Variants in DLL4 observed in about 807,000 individuals in gnomAD.
The protein encoded by DLL4 is delta-like protein 4.
In DLL4, 7 loss-of-function variants were observed where a neutral mutation model predicts 73.6. The ratio of observed to expected loss-of-function variants is 0.10; its 90% CI spans 0.05 to 0.18. The LOEUF is 0.18. Ranked by LOEUF, DLL4 falls within the 10% of genes least tolerant of loss-of-function variation. DLL4 has a pLI of 1.00. For synonymous variants in DLL4, 345 were observed against 374.3 expected (o/e 0.92, Z 0.90); for missense variants, 614 against 929.9 (o/e 0.66, Z 4.42).
chr15:40,935,918 C>T (rs1453305043), intron 8 of DLL4, among the ~76,000 whole-genome samples: 1 of 152,210 alleles, frequency 6.6e-6, no homozygotes, highest in Non-Finnish European at 1.5e-5. Context: ...GGCTTAGAGA[C>T]ACGGTTAAGC....
Position 40,936,917 on chromosome 15 carries a change from C to T in DLL4, c.1930C>T (p.Leu644=). 1 of 1,602,746 alleles carries T rather than the reference C, an allele frequency of 6.2e-7. No homozygotes were observed. The highest frequency in any genetic ancestry group is 8.5e-7 in the Non-Finnish European group (1 of 1,174,826). Residue 644 remains leucine (L), a synonymous_variant, in exon 9 of 11, where the codon CTG becomes TTG. Coordinates refer to ENST00000249749, the MANE Select transcript of DLL4 (RefSeq NM_019074.4). ...SDKSLGEKAP[L]RLHSEKPECR... is the part of the protein sequence containing the mutation. Reference sequence around the variant, plus strand: ...CAAGAGCTTAGGAGAGAAGGCGCCACTGCGGTTACACAGGTGAGTGGCACC... The same window carrying T: ...CAAGAGCTTAGGAGAGAAGGCGCCATTGCGGTTACACAGGTGAGTGGCACC...
Position 40,930,412 on chromosome 15 carries a change from A to T in DLL4, c.337-213A>T. 1.6e-6 allele frequency: 1 copy of T among 640,090 alleles called. No individual in the cohort carries two copies. The highest frequency in any genetic ancestry group is 2.8e-6 in the Non-Finnish European group (1 of 355,288). 39.7% of individuals were successfully genotyped at this position (640,090 alleles called of 1,614,324 possible). A position where few individuals can be genotyped will look rare whatever the true frequency, so the allele number is the denominator to read the frequency against. The stretch of plus-strand genomic sequence containing the variant: ...CCCCCTCCTCCAGTGGCTCTCCCTT[A>T]CACTCTCCCGTCTCTCAACCCTCCC... On this transcript the variant is annotated intron_variant, in intron 2 of 10. Coordinates refer to ENST00000249749, the MANE Select transcript of DLL4 (RefSeq NM_019074.4). This position sits in a 1 kb window ranked among gnomAD's most constrained non-coding sequence, Gnocchi z 5.7.
At position 40,930,614 on chromosome 15, in the gene DLL4, C is replaced by G; in HGVS notation, c.337-11C>G. On this transcript the variant is annotated splice_polypyrimidine_tract_variant and intron_variant, in intron 2 of 10. Transcript: ENST00000249749. This position sits in a 1 kb window ranked among gnomAD's most constrained non-coding sequence, Gnocchi z 5.7. ...CTCGCCATCTCTCCGTCCCCCCACC[C>G]CCTTTCCCAGGGTACCTTCTCGCTC... 6.2e-7 allele frequency: 1 copy of G among 1,613,716 alleles called. No individual in the cohort carries two copies. The highest frequency in any genetic ancestry group is 8.5e-7 in the Non-Finnish European group (1 of 1,179,802).
intron 5 of DLL4, 33 bp from the exon 6 acceptor site, chr15:40,932,284 C>G (rs1276415157): frequency 3.1e-6 from 5 of 1,613,892 alleles, no homozygotes; most frequent in Non-Finnish European, 3.4e-6. Flanking sequence ...GCCAAGGCCT[C>G]TCACCTCACT....
chr15:40,937,075 G>T (rs1184114915), intron 9 of DLL4, 145 bp downstream of exon 9: 5 of 682,946 alleles, frequency 7.3e-6, no homozygotes, highest in Admixed American at 3.0e-5. Context: ...TCTGTCAGGG[G>T]TCCTTTGTCC....
At chr15:40,931,943 C>T (rs1892776836) in intron 4 of DLL4, among the ~76,000 whole-genome samples, 177 bp downstream of exon 4, 1 of 152,202 alleles carries the variant, frequency 6.6e-6, no homozygotes, top group African/African-American at 2.4e-5. Flanking sequence ...CCCAGTGCTC[C>T]TCCCATCATG....
intron 8 of DLL4, among the ~76,000 whole-genome samples, chr15:40,935,627 C>G (rs1348709189): frequency 6.6e-6 from 1 of 152,178 alleles, no homozygotes; most frequent in Non-Finnish European, 1.5e-5. Flanking sequence ...GGCAGGCAGG[C>G]AGGCAGCGCT....
intron 8 of DLL4, among the ~76,000 whole-genome samples, chr15:40,935,896 T>A (rs972500045): frequency 2.6e-5 from 4 of 152,098 alleles, no homozygotes; most frequent in African/African-American, 9.7e-5. Flanking sequence ...GTCTAACAAA[T>A]GGGGAAACTG....
chr15:40,929,689 C>A lies in DLL4; in HGVS notation c.21C>A (p.Ser7Arg). Residue 7 changes from serine (S) to arginine (R), a missense_variant, in exon 1 of 11, where the codon AGC becomes AGA. Transcript: ENST00000249749. This position sits in a 1 kb window ranked among gnomAD's most constrained non-coding sequence, Gnocchi z 7.1. MAAASR[S>R]ASGWALLLLV... ...AGGGGATGGCGGCAGCGTCCCGGAG[C>A]GCCTCTGGCTGGGCGCTACTGCTGC... is the stretch of plus-strand genomic sequence containing the variant. The A allele has an allele frequency of 6.4e-7, 1 of 1,566,664 alleles. No homozygotes were observed. The highest frequency in any genetic ancestry group is 8.6e-7 in the Non-Finnish European group (1 of 1,165,770).
Position 40,929,371 on chromosome 15 carries a change from G to C in DLL4, c.-298G>C, listed in dbSNP as rs976104394. On this transcript the variant is annotated 5_prime_UTR_variant, in exon 1 of 11. Coordinates refer to ENST00000249749, the MANE Select transcript of DLL4 (RefSeq NM_019074.4). The surrounding 1 kb of genome is among the most constrained non-coding windows in gnomAD (Gnocchi z 7.1). Reference sequence around the variant, plus strand: ...GGCGCTGCGCGCAGGCCGGGAACACGAGGCCAAGAGCCGCAGCCCCAGCCG... The same window carrying C: ...GGCGCTGCGCGCAGGCCGGGAACACCAGGCCAAGAGCCGCAGCCCCAGCCG... 2.4e-6 allele frequency: 1 copy of C among 413,334 alleles called. No individual in the cohort carries two copies. Among genetic ancestry groups the C allele is most frequent in the Non-Finnish European group, 4.3e-6 (1 of 234,472 alleles). 25.6% of individuals were successfully genotyped at this position (413,334 alleles called of 1,614,324 possible).
In DLL4 at chr15:40,938,652, TC is replaced by T. The variant is rs1409967480; in HGVS notation, c.*620del. On this transcript the variant is annotated 3_prime_UTR_variant, in exon 11 of 11. Coordinates refer to ENST00000249749, the MANE Select transcript of DLL4 (RefSeq NM_019074.4). ...GGTCTAGGCCCTTTGGGCAAGAATG[TC>T]CGTCTACCCGGCTTCCACCACCCTC... The T allele has an allele frequency of 6.6e-6, 1 of 152,564 alleles. No individual in the cohort carries two copies. The highest frequency in any genetic ancestry group is 1.5e-5 in the Non-Finnish European group (1 of 68,122). 9.5% of individuals were successfully genotyped at this position (152,564 alleles called of 1,614,324 possible).
chr15:40,931,398 G>A lies in DLL4; in HGVS notation c.395-105G>A, dbSNP rs1892767697. 5.1e-6 allele frequency: 7 copies of A among 1,361,594 alleles called. No homozygotes were observed. The South Asian group carries it at 6.9e-5, about 14-fold the overall frequency. The allele number at this position is 1,361,594 out of a possible 1,614,324, so 84.3% of individuals were successfully genotyped here. A position where few individuals can be genotyped will look rare whatever the true frequency, so the allele number is the denominator to read the frequency against. ...GTCATCTGGATAACTGGGCTGATTG[G>A]TTGGCTGATCACCATCATCACAGCC... On this transcript the variant is annotated intron_variant, in intron 3 of 10. Transcript: ENST00000249749.
chr15:40,935,961 A>T (rs927414520), intron 8 of DLL4, among the ~76,000 whole-genome samples: 4 of 152,242 alleles, frequency 2.6e-5, no homozygotes, highest in Non-Finnish European at 1.5e-5. Flanking sequence ...ACAGAGTGAC[A>T]GCTGAGGTCC....
Position 40,936,928 on chromosome 15 carries a change from CA to C in DLL4, c.1942del (p.Ser648ValfsTer24). ...GAGAGAAGGCGCCACTGCGGTTACA[CA>C]GGTGAGTGGCACCCAGAAGCCCAGG... ...LGEKAPLRLH[S>X]EKPECRISAI... On this transcript the variant is annotated frameshift_variant and splice_region_variant, in exon 9 of 11. Transcript: ENST00000249749. LOFTEE classifies it high-confidence loss of function. The C allele has an allele frequency of 6.3e-7, 1 of 1,592,104 alleles. No individual in the cohort carries two copies. The highest frequency in any genetic ancestry group is 8.6e-7 in the Non-Finnish European group (1 of 1,169,490).
In DLL4 at chr15:40,929,933, G is replaced by A; in HGVS notation, c.153G>A (p.Glu51=). The A allele has an allele frequency of 6.2e-7, 1 of 1,613,038 alleles. No individual in the cohort carries two copies. The highest frequency in any genetic ancestry group is 8.5e-7 in the Non-Finnish European group (1 of 1,179,808). The part of the protein sequence containing the change: ...RGVLASGRPC[E]PGCRTFFRVC... ...TACTGGCCAGTGGGCGGCCTTGCGA[G>A]CCCGGCTGCCGGACTTTCTTCCGCG... is the stretch of plus-strand genomic sequence containing the variant. The change falls in exon 2 of 11, where the codon GAG becomes GAA. Residue 51 remains glutamate, a synonymous_variant. Transcript: ENST00000249749. The surrounding 1 kb of genome is among the most constrained non-coding windows in gnomAD (Gnocchi z 7.1).
chr15:40,933,268 T>TTGTGTGTGTGTGTG (rs113508793), intron 6 of DLL4, among the ~76,000 whole-genome samples: 1 of 147,342 alleles, frequency 6.8e-6, no homozygotes, highest in African/African-American at 2.5e-5. Flanking sequence ...AGTCCCTGTG[T>TTGTGTGTGTGTGTG]TGTGTGTGTG....
chr15:40,932,037 C>T (rs1354124129), intron 4 of DLL4, 134 bp from the exon 5 acceptor site: 12 of 1,064,962 alleles, frequency 1.1e-5, no homozygotes, highest in Middle Eastern at 2.2e-4. Context: ...TTAAGACACT[C>T]GGGGCTCCTC....
intron 4 of DLL4, 75 bp downstream of exon 4, chr15:40,931,841 G>A (rs1892775503): frequency 6.4e-7 from 1 of 1,566,076 alleles, no homozygotes; most frequent in African/African-American, 1.4e-5. Flanking sequence ...CTTGGTCACA[G>A]CTTGCCTCCC....
At chr15:40,931,324 C>T (rs1457442546) in intron 3 of DLL4, 179 bp from the exon 4 acceptor site, 4 of 678,178 alleles carry the variant, frequency 5.9e-6, no homozygotes, top group South Asian at 5.6e-5. Context: ...AGGGCAGCTA[C>T]GTAGCGGGGC....
Sources: allele counts gnomAD v4.1 joint callset (sites outside exome capture counted in the v4.1 genomes callset), GRCh38; gene constraint gnomAD v4.1.1; non-coding constraint Gnocchi (gnomAD v3.1); transcripts MANE v1.5; gene names NCBI Gene and HGNC (gene_info 2026-07-23, HGNC 2026-07-21).